The following DPYSL2 variants were observed in gnomAD, a reference collection of about 807,000 sequenced individuals.
The protein encoded by DPYSL2 is dihydropyrimidinase-related protein 2.
A neutral mutation model predicts 69.9 loss-of-function variants in DPYSL2; 13 were observed. That is an observed-to-expected ratio of 0.19 (90% CI 0.12 to 0.30). The LOEUF (loss-of-function observed/expected upper bound fraction) is 0.30, where lower values mean the gene tolerates loss of function less well. Among genes scored for constraint, DPYSL2 ranks in the 10% least tolerant of loss-of-function variants. DPYSL2 has a pLI of 1.00. For synonymous variants in DPYSL2, 326 were observed against 359.1 expected, an observed-to-expected ratio of 0.91 and a Z score of 1.04; for missense variants, 587 against 918.9, an observed-to-expected ratio of 0.64 and a Z score of 4.67.
At chr8:26,639,541 G>A (rs1802993950) in intron 8 of DPYSL2, among the ~76,000 whole-genome samples, 1 of 152,140 alleles carries the variant, frequency 6.6e-6, no homozygotes. Flanking sequence ...TGCATCTATG[G>A]GACATAAGGG....
chr8:26,563,789 T>C (rs1187460862), intron 1 of DPYSL2, among the ~76,000 whole-genome samples: 2 of 152,182 alleles, frequency 1.3e-5, no homozygotes, highest in East Asian at 3.8e-4. Flanking sequence ...GTGTTGTAGG[T>C]TTTTTTACTA....
Position 26,583,817 on chromosome 8 carries a change from G to A in DPYSL2, c.462G>A (p.Leu154=). 1.2e-6 allele frequency: 2 copies of A among 1,610,922 alleles called. No individual in the cohort carries two copies. Among genetic ancestry groups the A allele is most frequent in the Non-Finnish European group, 8.5e-7 (1 of 1,178,956 alleles). The change falls in exon 3 of 14, where the codon CTG becomes CTA. Residue 154 remains leucine, a synonymous_variant. Coordinates refer to ENST00000521913, the MANE Select transcript of DPYSL2 (RefSeq NM_001197293.3). Reference sequence around the variant, plus strand: ...TATTTAGGCAAATAGGAGAAAATCTGATTGTGCCAGGAGGAGTGAAGACCA... The same window carrying A: ...TATTTAGGCAAATAGGAGAAAATCTAATTGTGCCAGGAGGAGTGAAGACCA... ...DGLIKQIGEN[L]IVPGGVKTIE...
chr8:26,519,939 A>C (rs988067834), intron 1 of DPYSL2, among the ~76,000 whole-genome samples: 3 of 152,196 alleles, frequency 2.0e-5, no homozygotes, highest in African/African-American at 7.2e-5. Flanking sequence ...TAAAGGTAAA[A>C]GTAAATTGTA....
intron 1 of DPYSL2, among the ~76,000 whole-genome samples, chr8:26,539,380 T>C (rs1800643372): frequency 6.6e-6 from 1 of 152,178 alleles, no homozygotes; most frequent in East Asian, 1.9e-4. Flanking sequence ...AACAAAAAAA[T>C]ATTTAAACGG....
intron 1 of DPYSL2, among the ~76,000 whole-genome samples, chr8:26,557,291 GAC>G (rs1801003726): frequency 6.6e-6 from 1 of 151,648 alleles, no homozygotes; most frequent in Admixed American, 6.6e-5. Flanking sequence ...AATTGCAAAA[GAC>G]ACACATATGG....
intron 8 of DPYSL2, among the ~76,000 whole-genome samples, chr8:26,635,134 G>C (rs977005556): frequency 6.6e-6 from 1 of 152,272 alleles, no homozygotes; most frequent in East Asian, 1.9e-4. Context: ...CCAAGGCGGG[G>C]TGGGCAGGCA....
Position 26,640,347 on chromosome 8 carries a change from A to T in DPYSL2, c.1127-3092A>T, listed in dbSNP as rs1803014183. Among the ~76,000 whole-genome samples the T allele has an allele frequency of 6.6e-6, 1 of 152,212 alleles. No homozygotes were observed. The highest frequency in any genetic ancestry group is 1.5e-5 in the Non-Finnish European group (1 of 68,038). ...ATCCTTCAGTTTAGACTTTACCTGG[A>T]GAAGAAAATCACAAAGGTCTAACGG... On this transcript the variant is annotated intron_variant, in intron 8 of 13. Coordinates refer to ENST00000521913, the MANE Select transcript of DPYSL2 (RefSeq NM_001197293.3). This position sits in a 1 kb window ranked among gnomAD's most constrained non-coding sequence, Gnocchi z 4.2.
At chr8:26,556,027 T>C (rs1295761943) in intron 1 of DPYSL2, among the ~76,000 whole-genome samples, 1 of 103,362 alleles carries the variant, frequency 9.7e-6, no homozygotes, top group Non-Finnish European at 1.8e-5. Context: ...TAAATATATA[T>C]ATAAGTATAT....
chr8:26,539,792 G>A (rs371247705), intron 1 of DPYSL2, among the ~76,000 whole-genome samples: 14 of 152,070 alleles, frequency 9.2e-5, no homozygotes, highest in Admixed American at 1.3e-4. Flanking sequence ...TACCTTCCCC[G>A]CCCTGCCAGA....
In DPYSL2 at chr8:26,643,634, T is replaced by C; in HGVS notation, c.1283+39T>C. 1 of 1,614,082 alleles carries C rather than the reference T, an allele frequency of 6.2e-7. No individual in the cohort carries two copies. Among genetic ancestry groups the C allele is most frequent in the Non-Finnish European group, 8.5e-7 (1 of 1,179,926 alleles). ...ACTTGTTCACACTTCACATTCTGTCTTTCTTCAGACCAGACTGACCTGTTA... is the reference window on the plus strand; with the variant it reads ...ACTTGTTCACACTTCACATTCTGTCCTTCTTCAGACCAGACTGACCTGTTA... On this transcript the variant is annotated intron_variant, in intron 9 of 13. Transcript: ENST00000521913. The surrounding 1 kb of genome is among the most constrained non-coding windows in gnomAD (Gnocchi z 6.5).
At chr8:26,570,009 T>A (rs183504410) in intron 1 of DPYSL2, among the ~76,000 whole-genome samples, 204 of 152,254 alleles carry the variant, frequency 1.3e-3, no homozygotes, top group Admixed American at 1.9e-3. Flanking sequence ...ATGGGTAACA[T>A]AGTGAGACTC....
chr8:26,656,021 C>T lies in DPYSL2; in HGVS notation c.*315C>T, dbSNP rs1250674699. 3.8e-6 allele frequency: 1 copy of T among 263,052 alleles called. No individual in the cohort carries two copies. The allele number at this position is 263,052 out of a possible 1,614,324, so 16.3% of individuals were successfully genotyped here. A position where few individuals can be genotyped will look rare whatever the true frequency, so the allele number is the denominator to read the frequency against. On this transcript the variant is annotated 3_prime_UTR_variant, in exon 14 of 14. Transcript: ENST00000521913. ...AGCAGCCCCCAGCGAGGGTCTCCTTCGCCTTCAACCTCCTAGTGTCTGTTA... is the reference window on the plus strand; with the variant it reads ...AGCAGCCCCCAGCGAGGGTCTCCTTTGCCTTCAACCTCCTAGTGTCTGTTA...
At position 26,627,760 on chromosome 8, in the gene DPYSL2, C is replaced by A; in HGVS notation, c.937-112C>A. On this transcript the variant is annotated intron_variant, in intron 6 of 13. Transcript: ENST00000521913. This position sits in a 1 kb window ranked among gnomAD's most constrained non-coding sequence, Gnocchi z 6.9. ...GGTCTTGGGATGAGGGCAGAACGAT[C>A]GGCAGTGGTAATTTTCCATCTTGCC... 5.7e-6 allele frequency: 6 copies of A among 1,050,758 alleles called. No homozygotes were observed. The highest frequency in any genetic ancestry group is 8.5e-6 in the Non-Finnish European group (6 of 705,854). 65.1% of individuals were successfully genotyped at this position (1,050,758 alleles called of 1,614,324 possible). A position where few individuals can be genotyped will look rare whatever the true frequency, so the allele number is the denominator to read the frequency against.
At chr8:26,578,017 C>CTCTCT (rs533739389) in intron 1 of DPYSL2, 189 of 976,458 alleles carry the variant, frequency 1.9e-4, no homozygotes, top group Middle Eastern at 1.5e-3. Flanking sequence ...CTCTCTCTCT[C>CTCTCT]TTTTTTTTCC....
intron 1 of DPYSL2, among the ~76,000 whole-genome samples, chr8:26,543,295 A>G (rs1225735451): frequency 6.6e-6 from 1 of 152,204 alleles, no homozygotes; most frequent in Non-Finnish European, 1.5e-5. Context: ...TCAGTTGGCT[A>G]CAGTCAAAAT....
chr8:26,631,128 G>C (rs754218052), intron 7 of DPYSL2, among the ~76,000 whole-genome samples: 1 of 152,226 alleles, frequency 6.6e-6, no homozygotes, highest in Non-Finnish European at 1.5e-5. Flanking sequence ...AAGGGCCCTG[G>C]CTTTGCTGAA....
rs1802376561 is a variant in DPYSL2 at position 26,617,277 on chromosome 8, A to C, written c.629-6866A>C. On this transcript the variant is annotated intron_variant, in intron 3 of 13. Transcript: ENST00000521913. The surrounding 1 kb of genome is among the most constrained non-coding windows in gnomAD (Gnocchi z 4.7). ...CCATGTGAGTCTATAGTGAGTTTTA[A>C]AAAGAAAAAGTTCCAGCCTGGGCAG... 6.6e-6 allele frequency among the ~76,000 whole-genome samples: 1 copy of C among 152,200 alleles called. No homozygotes were observed. Among genetic ancestry groups the C allele is most frequent in the Non-Finnish European group, 1.5e-5 (1 of 68,042 alleles).
Position 26,652,292 on chromosome 8 carries a change from C to T in DPYSL2, c.1632C>T (p.Cys544=). Residue 544 remains cysteine (C), a synonymous_variant, in exon 12 of 14, where the codon TGC becomes TGT. Transcript: ENST00000521913. This position sits in a 1 kb window ranked among gnomAD's most constrained non-coding sequence, Gnocchi z 6.3. ...LEYNIFEGME[C]RGSPLVVISQ... is the part of the protein sequence containing the mutation. ...ACAACATCTTTGAAGGCATGGAGTG[C>T]CGCGGCTCCCCACTGGTGGTCATCA... The T allele has an allele frequency of 6.2e-7, 1 of 1,614,008 alleles. No individual in the cohort carries two copies. Among genetic ancestry groups the T allele is most frequent in the Non-Finnish European group, 8.5e-7 (1 of 1,179,962 alleles).
In DPYSL2 at chr8:26,593,645, GT is replaced by G. The variant is rs930393843; in HGVS notation, c.628+9666del. Among the ~76,000 whole-genome samples, 1 of 152,158 alleles carries G rather than the reference GT, an allele frequency of 6.6e-6. No individual in the cohort carries two copies. The highest frequency in any genetic ancestry group is 1.5e-5 in the Non-Finnish European group (1 of 68,032). ...GTTGCTGTCCTTGGTGTTCGGGAAG[GT>G]TTTACTTGGCTAATTCCCTAAAAGG... On this transcript the variant is annotated intron_variant, in intron 3 of 13. Transcript: ENST00000521913. This position sits in a 1 kb window ranked among gnomAD's most constrained non-coding sequence, Gnocchi z 5.7.
Sources: gnomAD v4.1 joint callset for allele counts (sites outside exome capture counted in the v4.1 genomes callset) on GRCh38, gnomAD v4.1.1 for gene constraint, Gnocchi (gnomAD v3.1) non-coding constraint, MANE v1.5 for transcripts, NCBI Gene and HGNC (gene_info 2026-07-23, HGNC 2026-07-21) for gene names.